AUTS2: variants seen among roughly 807,000 people sequenced by gnomAD.
AUTS2 encodes the protein autism susceptibility gene 2 protein.
A neutral mutation model predicts 112.4 loss-of-function variants in AUTS2; 17 were observed. The ratio of observed to expected loss-of-function variants is 0.15; its 90% CI spans 0.10 to 0.23. The LOEUF is 0.23. Among genes scored for constraint, AUTS2 ranks in the 10% least tolerant of loss-of-function variants. AUTS2 has a pLI of 1.00. For synonymous variants in AUTS2, 751 were observed against 702.7 expected (o/e 1.07, Z -1.09); for missense variants, 1,510 against 1,701.6 (o/e 0.89, Z 1.98).
intron 5 of AUTS2, among the ~76,000 whole-genome samples, chr7:70,503,394 C>T (rs967220514): frequency 5.9e-5 from 9 of 151,916 alleles, no homozygotes; most frequent in African/African-American, 2.2e-4. Context: ...CATGATCTGA[C>T]AGATCATGTT....
rs576235525 is a variant in AUTS2, at chr7:70,070,812, C to T, written c.523-47320C>T. Among the ~76,000 whole-genome samples the T allele has an allele frequency of 4.1e-5, 6 of 147,516 alleles. No individual in the cohort carries two copies. In the South Asian group the frequency reaches 6.6e-4, roughly 16 times the overall value. ...GCTTGAACCTGGGAGGTGGAGGTTG[C>T]GGTGAGCCGCGATCAAGATCATGCC... On this transcript the variant is annotated intron_variant, in intron 2 of 18. Coordinates refer to ENST00000342771, the MANE Select transcript of AUTS2 (RefSeq NM_015570.4).
At chr7:70,634,228 T>C (rs1479522283) in intron 5 of AUTS2, among the ~76,000 whole-genome samples, 2 of 151,984 alleles carry the variant, frequency 1.3e-5, no homozygotes. Flanking sequence ...CCATTTGAAA[T>C]AGGAGGACAG....
intron 5 of AUTS2, among the ~76,000 whole-genome samples, chr7:70,659,863 C>G (rs1806977386): frequency 6.6e-6 from 1 of 152,174 alleles, no homozygotes; most frequent in African/African-American, 2.4e-5. Flanking sequence ...AGGGCACATG[C>G]AGTCCCGGGC....
intron 5 of AUTS2, among the ~76,000 whole-genome samples, chr7:70,563,260 G>A (rs1801565127): frequency 6.6e-6 from 1 of 152,120 alleles, no homozygotes; most frequent in Admixed American, 6.5e-5. Flanking sequence ...CGTAGTGAGG[G>A]TATTCTCTGA....
At chr7:70,069,713 T>G (rs1406782828) in intron 2 of AUTS2, among the ~76,000 whole-genome samples, 1 of 151,402 alleles carries the variant, frequency 6.6e-6, no homozygotes, top group Non-Finnish European at 1.5e-5. Flanking sequence ...TTTTTGTTTT[T>G]TTTTTTTTCC....
chr7:70,263,297 G>A (rs1027832428), intron 4 of AUTS2, among the ~76,000 whole-genome samples: 7 of 152,062 alleles, frequency 4.6e-5, no homozygotes, highest in Non-Finnish European at 7.4e-5. Flanking sequence ...TACATCTTAC[G>A]TTAAGTTTTG....
chr7:70,022,735 A>T (rs907044258), intron 2 of AUTS2, among the ~76,000 whole-genome samples: 1 of 152,020 alleles, frequency 6.6e-6, no homozygotes, highest in African/African-American at 2.4e-5. Context: ...TTCTTGGTGG[A>T]TTTGTTGTGT....
chr7:70,690,867 G>A (rs1276778750), intron 5 of AUTS2, among the ~76,000 whole-genome samples: 4 of 152,108 alleles, frequency 2.6e-5, no homozygotes, highest in Non-Finnish European at 4.4e-5. Context: ...AGGCTGAGGC[G>A]GGAGGATTGC....
intron 4 of AUTS2, among the ~76,000 whole-genome samples, chr7:70,423,009 A>T (rs1214245969): frequency 1.3e-5 from 2 of 152,174 alleles, no homozygotes; most frequent in Admixed American, 1.3e-4. Context: ...AGATATGAGC[A>T]AACTCTGAGA....
intron 6 of AUTS2, among the ~76,000 whole-genome samples, chr7:70,714,282 T>A (rs1810231164): frequency 6.6e-6 from 1 of 152,206 alleles, no homozygotes; most frequent in Non-Finnish European, 1.5e-5. Context: ...TTAAGACTTT[T>A]CCACAATTAT....
intron 6 of AUTS2, among the ~76,000 whole-genome samples, chr7:70,719,675 G>C (rs551430915): frequency 8.5e-5 from 13 of 152,148 alleles, no homozygotes; most frequent in Non-Finnish European, 1.3e-4. Flanking sequence ...TATTGGCCAA[G>C]CTGGTCGTGA....
intron 1 of AUTS2, among the ~76,000 whole-genome samples, chr7:69,820,041 G>A (rs1790918862): frequency 6.6e-6 from 1 of 152,174 alleles, no homozygotes. Flanking sequence ...AATTGCTGCT[G>A]CATTTCATGG....
intron 1 of AUTS2, among the ~76,000 whole-genome samples, chr7:69,886,870 G>C (rs1038518359): frequency 6.6e-6 from 1 of 150,848 alleles, no homozygotes; most frequent in Middle Eastern, 3.4e-3. Context: ...CTCACTGCAG[G>C]CTCAGTCAGT....
chr7:70,740,187 T>C (rs1203153849), intron 6 of AUTS2, among the ~76,000 whole-genome samples: 2 of 152,226 alleles, frequency 1.3e-5, no homozygotes, highest in East Asian at 3.8e-4. Flanking sequence ...TTCAGGTTAC[T>C]GCAAAGTGAA....
chr7:70,117,127 G>GTTTTTTTTTTTTTTTTTTTTTTTTTTTTT (rs1491008028), intron 2 of AUTS2, among the ~76,000 whole-genome samples: 1 of 62,782 alleles, frequency 1.6e-5, no homozygotes, highest in African/African-American at 7.0e-5. Flanking sequence ...GTTTTTTTTT[G>GTTTTTTTTTTTTTTTTTTTTTTTTTTTTT]TTTTTTTTTG....
At chr7:69,787,209 T>G (rs993491208) in intron 1 of AUTS2, among the ~76,000 whole-genome samples, 2 of 152,240 alleles carry the variant, frequency 1.3e-5, no homozygotes, top group Non-Finnish European at 2.9e-5. Context: ...GAACATGCAC[T>G]CTGATGACCA....
intron 5 of AUTS2, among the ~76,000 whole-genome samples, chr7:70,538,412 A>G (rs1308632015): frequency 1.3e-5 from 2 of 151,840 alleles, no homozygotes; most frequent in Admixed American, 1.3e-4. Context: ...GCTGTCTGCC[A>G]CCTGCTACTT....
chr7:70,545,545 C>A (rs567606524), intron 5 of AUTS2, among the ~76,000 whole-genome samples: 1 of 152,302 alleles, frequency 6.6e-6, no homozygotes, highest in African/African-American at 2.4e-5. Context: ...CCTCATTCAC[C>A]CTTCTGTGGA....
rs567077884 is a variant in AUTS2, at chr7:70,024,684, G to A, written c.523-93448G>A. Among the ~76,000 whole-genome samples the A allele has an allele frequency of 6.6e-5, 10 of 152,166 alleles. No individual in the cohort carries two copies. In the South Asian group the frequency reaches 2.1e-3, roughly 32 times the overall value. On this transcript the variant is annotated intron_variant, in intron 2 of 18. Coordinates refer to ENST00000342771, the MANE Select transcript of AUTS2 (RefSeq NM_015570.4). Reference sequence around the variant, plus strand: ...TAAAGAGATTTATTTTAAGGAATTGGCTTACTTGATTGTGGGGGGCTGGCG... The same window carrying A: ...TAAAGAGATTTATTTTAAGGAATTGACTTACTTGATTGTGGGGGGCTGGCG...
Sources: allele counts gnomAD v4.1 joint callset (sites outside exome capture counted in the v4.1 genomes callset), GRCh38; gene constraint gnomAD v4.1.1; transcripts MANE v1.5; gene names NCBI Gene and HGNC (gene_info 2026-07-23, HGNC 2026-07-21).